UGT2A1: variants seen among roughly 807,000 people sequenced by gnomAD.
UGT2A1 encodes UDP-glucuronosyltransferase 2A1.
A neutral mutation model predicts 45.4 loss-of-function variants in UGT2A1; 61 were observed. The ratio of observed to expected loss-of-function variants is 1.34; its 90% confidence interval spans 1.09 to 1.66. The LOEUF (loss-of-function observed/expected upper bound fraction) is 1.66. Among genes scored for constraint, UGT2A1 ranks in the 40% most tolerant of loss-of-function variants. The pLI is 0.00. For missense variants in UGT2A1, 649 were observed against 574.3 expected, an observed-to-expected ratio of 1.13 and a Z score of -1.33; for synonymous variants, 229 against 196.2, an observed-to-expected ratio of 1.17 and a Z score of -1.40.
chr4:69,645,280 A>G (rs1417320718), intron 2 of UGT2A1, among the ~76,000 whole-genome samples: 4 of 151,790 alleles, frequency 2.6e-5, no homozygotes, highest in Non-Finnish European at 5.9e-5. Flanking sequence ...AAAGTATCAC[A>G]TACACAGCAT....
chr4:69,626,529 T>C (rs1212907456), intron 3 of UGT2A1, among the ~76,000 whole-genome samples: 1 of 151,628 alleles, frequency 6.6e-6, no homozygotes, highest in Admixed American at 6.6e-5. Context: ...ATTTATTGGG[T>C]ATTATGCTCA....
intron 3 of UGT2A1, among the ~76,000 whole-genome samples, chr4:69,622,523 G>A (rs948583420): frequency 1.3e-5 from 2 of 151,716 alleles, no homozygotes; most frequent in African/African-American, 4.8e-5. Context: ...TTGTTTTTAT[G>A]TGTTATCTAT....
intron 3 of UGT2A1, among the ~76,000 whole-genome samples, chr4:69,620,115 T>A (rs960108590): frequency 6.6e-6 from 1 of 151,966 alleles, no homozygotes; most frequent in African/African-American, 2.4e-5. Flanking sequence ...TTCAACATAG[T>A]ACTGGAAGTC....
chr4:69,598,785 G>A (rs1264882068), intron 4 of UGT2A1, among the ~76,000 whole-genome samples: 2 of 151,788 alleles, frequency 1.3e-5, no homozygotes, highest in Admixed American at 1.3e-4. Context: ...TAAAACCTAA[G>A]AGCCCTGCCT....
At chr4:69,639,362 A>G in intron 2 of UGT2A1, 2 of 1,613,722 alleles carry the variant, frequency 1.2e-6, no homozygotes. Context: ...CAATTAAGGA[A>G]TCTATATTGC....
chr4:69,641,003 CA>C (rs1722023245), intron 2 of UGT2A1, among the ~76,000 whole-genome samples: 1 of 151,710 alleles, frequency 6.6e-6, no homozygotes, highest in South Asian at 2.1e-4. Context: ...AAAACATGAA[CA>C]AAAGTCTATC....
intron 3 of UGT2A1, among the ~76,000 whole-genome samples, chr4:69,627,326 CT>C (rs1721116266): frequency 6.6e-6 from 1 of 151,752 alleles, no homozygotes; most frequent in South Asian, 2.1e-4. Flanking sequence ...AAATGAGTCT[CT>C]TAACAGCATT....
At chr4:69,613,469 T>C (rs1720187166) in intron 3 of UGT2A1, among the ~76,000 whole-genome samples, 1 of 151,886 alleles carries the variant, frequency 6.6e-6, no homozygotes, top group Admixed American at 6.6e-5. Flanking sequence ...TTCCAAAACA[T>C]AGTATTCCAA....
intron 3 of UGT2A1, among the ~76,000 whole-genome samples, chr4:69,605,992 G>T (rs1291072009): frequency 7.3e-6 from 1 of 136,586 alleles, no homozygotes; most frequent in Non-Finnish European, 1.6e-5. Flanking sequence ...TCTACCAGAA[G>T]TACAAGGAGG....
intron 4 of UGT2A1, among the ~76,000 whole-genome samples, chr4:69,598,758 T>C (rs186540773): frequency 6.6e-6 from 1 of 152,242 alleles, no homozygotes; most frequent in East Asian, 1.9e-4. Flanking sequence ...CACAACTGTC[T>C]AATAAATTCT....
intron 3 of UGT2A1, among the ~76,000 whole-genome samples, chr4:69,627,707 T>C (rs894112539): frequency 2.0e-5 from 3 of 151,800 alleles, no homozygotes; most frequent in African/African-American, 7.3e-5. Flanking sequence ...TAAACACTCA[T>C]GAATACAAAG....
chr4:69,592,808 CA>C (rs530219488), intron 6 of UGT2A1, among the ~76,000 whole-genome samples: 6 of 151,274 alleles, frequency 4.0e-5, no homozygotes, highest in Admixed American at 1.3e-4. Context: ...AGAAATAATA[CA>C]AAAAAAATTA....
intron 3 of UGT2A1, among the ~76,000 whole-genome samples, chr4:69,621,565 A>G (rs991547142): frequency 1.3e-5 from 2 of 151,870 alleles, no homozygotes; most frequent in African/African-American, 4.8e-5. Context: ...AGGGTAAATT[A>G]GTTCACCCAT....
intron 3 of UGT2A1, among the ~76,000 whole-genome samples, chr4:69,619,486 C>T (rs1720614900): frequency 6.6e-6 from 1 of 151,552 alleles, no homozygotes; most frequent in Admixed American, 6.6e-5. Context: ...CTTACATACC[C>T]CATACAAACA....
At chr4:69,652,382 C>A (rs1027671100) in intron 1 of UGT2A1, among the ~76,000 whole-genome samples, 1 of 145,334 alleles carries the variant, frequency 6.9e-6, no homozygotes, top group African/African-American at 2.6e-5. Flanking sequence ...TTCCCGGGTT[C>A]AAGCTATTCT....
intron 2 of UGT2A1, among the ~76,000 whole-genome samples, chr4:69,646,001 T>C (rs1560497189): frequency 1.3e-5 from 2 of 151,874 alleles, no homozygotes; most frequent in Non-Finnish European, 2.9e-5. Context: ...TCTGAAGTTT[T>C]TCAGAATAAC....
At chr4:69,643,811 G>T (rs373396088) in intron 2 of UGT2A1, among the ~76,000 whole-genome samples, 84 of 151,666 alleles carry the variant, frequency 5.5e-4, no homozygotes, top group Non-Finnish European at 1.6e-4. Context: ...TTGTTGCAAT[G>T]ATTTCATTAA....
intron 3 of UGT2A1, among the ~76,000 whole-genome samples, chr4:69,634,779 G>A (rs571958342): frequency 6.6e-6 from 1 of 152,080 alleles, no homozygotes; most frequent in Non-Finnish European, 1.5e-5. Context: ...TCTAATAAGA[G>A]ATATCTAAAA....
At chr4:69,636,041 G>GT (rs2109964001) in intron 2 of UGT2A1, among the ~76,000 whole-genome samples, 1 of 152,138 alleles carries the variant, frequency 6.6e-6, no homozygotes, top group Admixed American at 6.6e-5. Flanking sequence ...CATTTCATCT[G>GT]TAAGATTTAA....
Sources: allele counts gnomAD v4.1 joint callset (sites outside exome capture counted in the v4.1 genomes callset), GRCh38; gene constraint gnomAD v4.1.1; transcripts MANE v1.5; gene names NCBI Gene and HGNC (gene_info 2026-07-23, HGNC 2026-07-21).